Variants in SUSD1 observed in about 807,000 individuals in gnomAD.
SUSD1 encodes sushi domain-containing protein 1.
Under a neutral mutation model 86.9 loss-of-function variants are expected in SUSD1, and 65 were observed. That is an observed-to-expected ratio of 0.75 (90% confidence interval 0.61 to 0.92). SUSD1 has a LOEUF of 0.92. Among genes scored for constraint, SUSD1 ranks in the 40% least tolerant of loss-of-function variants. The pLI, the probability that SUSD1 is intolerant of heterozygous loss-of-function variation, is 0.00. For missense variants in SUSD1, 850 were observed against 929.7 expected (o/e 0.91, Z 1.11); for synonymous variants, 346 against 350.0 (o/e 0.99, Z 0.13).
chr9:112,136,020 C>T (rs1192591743), intron 5 of SUSD1, among the ~76,000 whole-genome samples: 1 of 152,162 alleles, frequency 6.6e-6, no homozygotes, highest in African/African-American at 2.4e-5. Context: ...GCCTTATAAC[C>T]AATGTCATCA....
Position 112,078,555 on chromosome 9 carries a change from A to C in SUSD1, c.1736T>G (p.Leu579Arg). Residue 579 changes from leucine (L) to arginine (R), a missense_variant, in exon 12 of 17, where the codon CTG becomes CGG. Leu to Arg is a moderately radical substitution (Grantham distance 102). Transcript: ENST00000374270. ...AGATTTACCTGTTATCTGGGTTGTC[A>C]GGGAGATGACCACAGGAAGTTCCGA... ...LSSELPVVIS[L>R]TTQITEPPLP... 6.2e-7 allele frequency: 1 copy of C among 1,610,606 alleles called. No individual in the cohort carries two copies. The highest frequency in any genetic ancestry group is 1.7e-4 in the Middle Eastern group (1 of 6,040).
At chr9:112,174,636 C>A (rs934387426) in intron 1 of SUSD1, among the ~76,000 whole-genome samples, 2 of 152,238 alleles carry the variant, frequency 1.3e-5, no homozygotes, top group Admixed American at 6.5e-5. Context: ...CTCTTCCTTA[C>A]GCGTCTTTCT....
At chr9:112,152,751 C>CTTTTTTTTTTTTTTTTTTTTTTTTTTTTT (rs71382410) in intron 2 of SUSD1, among the ~76,000 whole-genome samples, 1 of 87,478 alleles carries the variant, frequency 1.1e-5, no homozygotes, top group Non-Finnish European at 2.1e-5. Context: ...TTTTTTTAAT[C>CTTTTTTTTTTTTTTTTTTTTTTTTTTTTT]TTTTTTTTTT....
At chr9:112,125,882 G>T (rs1171877976) in intron 5 of SUSD1, among the ~76,000 whole-genome samples, 1 of 152,230 alleles carries the variant, frequency 6.6e-6, no homozygotes. Flanking sequence ...CAGGACTCCA[G>T]AGTTATTTCC....
intron 15 of SUSD1, among the ~76,000 whole-genome samples, chr9:112,042,876 A>T (rs1043103117): frequency 6.6e-6 from 1 of 152,214 alleles, no homozygotes; most frequent in Non-Finnish European, 1.5e-5. Flanking sequence ...ACCTGGCACT[A>T]GTAAAACCAG....
At chr9:112,162,300 G>A (rs1279520416) in intron 1 of SUSD1, among the ~76,000 whole-genome samples, 1 of 152,218 alleles carries the variant, frequency 6.6e-6, no homozygotes, top group East Asian at 1.9e-4. Context: ...CAAAAAAGGG[G>A]AGGGAAACTC....
chr9:112,169,557 C>T (rs868213823), intron 1 of SUSD1, among the ~76,000 whole-genome samples: 3 of 152,182 alleles, frequency 2.0e-5, no homozygotes, highest in African/African-American at 4.8e-5. Context: ...CCAACCCACA[C>T]TGAGTGCCAT....
chr9:112,077,663 C>A (rs1418436663), intron 12 of SUSD1, among the ~76,000 whole-genome samples: 1 of 151,680 alleles, frequency 6.6e-6, no homozygotes, highest in Non-Finnish European at 1.5e-5. Context: ...TGACACCACA[C>A]CCAGCTAATT....
chr9:112,149,302 T>A lies in SUSD1; in HGVS notation c.315A>T (p.Gly105=). The A allele has an allele frequency of 1.2e-6, 2 of 1,614,090 alleles. No homozygotes were observed. Among genetic ancestry groups the A allele is most frequent in the East Asian group, 4.5e-5 (2 of 44,894 alleles). ...PGGFYCICLE[G]YRATNNNKTF... is the part of the protein sequence containing the mutation. ...TCTTGTTGTTGTTTGTGGCTCGATA[T>A]CCTTCCAGGCAAATGCAATAGAAGC... Residue 105 remains glycine, a synonymous_variant, in exon 3 of 17, where the codon GGA becomes GGT. Transcript: ENST00000374270.
intron 3 of SUSD1, 51 bp downstream of exon 3, chr9:112,149,193 T>TA: frequency 6.2e-7 from 1 of 1,605,046 alleles, no homozygotes; most frequent in Non-Finnish European, 8.5e-7. Flanking sequence ...ACAGCCCAGA[T>TA]ACTATCCTGC....
At chr9:112,095,723 T>C (rs1297668711) in intron 10 of SUSD1, among the ~76,000 whole-genome samples, 1 of 152,208 alleles carries the variant, frequency 6.6e-6, no homozygotes, top group Non-Finnish European at 1.5e-5. Flanking sequence ...GGGATCTTTC[T>C]GGGTTTAGAG....
chr9:112,133,957 T>C (rs1411208835), intron 5 of SUSD1, among the ~76,000 whole-genome samples: 2 of 151,864 alleles, frequency 1.3e-5, no homozygotes, highest in African/African-American at 4.8e-5. Context: ...TCAAGAAACA[T>C]ATGAAAAAAT....
intron 5 of SUSD1, among the ~76,000 whole-genome samples, chr9:112,126,394 A>T (rs760038312): frequency 1.3e-5 from 2 of 152,196 alleles, no homozygotes; most frequent in Non-Finnish European, 2.9e-5. Context: ...TCCATCTTGG[A>T]CGTGACCAAG....
At chr9:112,079,927 C>T in intron 11 of SUSD1, 147 bp downstream of exon 11, 1 of 565,262 alleles carries the variant, frequency 1.8e-6, no homozygotes, top group Non-Finnish European at 3.2e-6. Context: ...ACAGAAGTGG[C>T]CATCTTCTTG....
intron 15 of SUSD1, among the ~76,000 whole-genome samples, chr9:112,047,397 C>T (rs566073978): frequency 1.3e-5 from 2 of 152,044 alleles, no homozygotes; most frequent in South Asian, 2.1e-4. Flanking sequence ...AGAAGAAAAC[C>T]GTATTAGGGC....
At chr9:112,123,879 T>C (rs984443995) in intron 6 of SUSD1, among the ~76,000 whole-genome samples, 4 of 152,104 alleles carry the variant, frequency 2.6e-5, no homozygotes, top group Non-Finnish European at 4.4e-5. Context: ...TAAGAAACAT[T>C]AAAAAACTAT....
chr9:112,053,348 C>T (rs932227400), intron 14 of SUSD1, among the ~76,000 whole-genome samples: 4 of 151,584 alleles, frequency 2.6e-5, no homozygotes, highest in African/African-American at 9.7e-5. Flanking sequence ...AACCCCATCC[C>T]TACTGAAAAT....
chr9:112,114,381 G>A (rs923782761), intron 6 of SUSD1, among the ~76,000 whole-genome samples: 1 of 152,094 alleles, frequency 6.6e-6, no homozygotes, highest in Admixed American at 6.5e-5. Context: ...TACTTGGGAG[G>A]CTGAGGCAGG....
intron 5 of SUSD1, among the ~76,000 whole-genome samples, chr9:112,128,453 G>A (rs1831874376): frequency 6.6e-6 from 1 of 151,976 alleles, no homozygotes; most frequent in African/African-American, 2.4e-5. Flanking sequence ...GAGTACAGTG[G>A]TGCAATCTCG....
Sources: allele counts gnomAD v4.1 joint callset (sites outside exome capture counted in the v4.1 genomes callset), GRCh38; gene constraint gnomAD v4.1.1; transcripts MANE v1.5; gene names NCBI Gene and HGNC (gene_info 2026-07-23, HGNC 2026-07-21).